The following ZNF248 variants were observed in gnomAD, a reference collection of about 807,000 sequenced individuals.
ZNF248 encodes the protein zinc finger protein 248.
ZNF248 carries 20 observed loss-of-function variants against 44.3 expected under a neutral mutation model. The observed-to-expected ratio is 0.45, with a 90% CI of 0.32 to 0.66. The LOEUF is 0.66. ZNF248 is among the 30% of genes least tolerant of loss of function. The probability of loss-of-function intolerance (pLI) is 0.04; values close to 1 mark genes in which losing one functional copy is unlikely to be tolerated. For missense variants in ZNF248, 654 were observed against 677.0 expected, an observed-to-expected ratio of 0.97 and a Z score of 0.38; for synonymous variants, 224 against 229.0, an observed-to-expected ratio of 0.98 and a Z score of 0.20.
At chr10:37,778,598 T>C (rs920708870) in intron 6 of ZNF248, among the ~76,000 whole-genome samples, 2 of 152,210 alleles carry the variant, frequency 1.3e-5, no homozygotes, top group African/African-American at 4.8e-5. Flanking sequence ...GTCTTAGACA[T>C]GAAGTCATTG....
At position 37,837,653 on chromosome 10, in the gene ZNF248, T is replaced by C. The variant is rs1589730548; in HGVS notation, c.202A>G (p.Ile68Val). The stretch of plus-strand genomic sequence containing the variant: ...TGGCTTGGGAATCCTTTTTCTAATA[T>C]CCAGGGCTCTTCTCCTTGCTCGATC... ...FKIEQGEEPW[I>V]LEKGFPSQCH... The change falls in exon 5 of 6, where the codon ATA (isoleucine) becomes GTA (valine). Residue 68 changes from isoleucine to valine, a missense_variant. Coordinates refer to ENST00000395867, the MANE Select transcript of ZNF248 (RefSeq NM_021045.3). The C allele has an allele frequency of 6.2e-7, 1 of 1,614,100 alleles. No homozygotes were observed. The highest frequency in any genetic ancestry group is 8.5e-7 in the Non-Finnish European group (1 of 1,180,014).
At chr10:37,799,511 A>G (rs1367134686) in intron 6 of ZNF248, among the ~76,000 whole-genome samples, 1 of 152,174 alleles carries the variant, frequency 6.6e-6, no homozygotes, top group Non-Finnish European at 1.5e-5. Context: ...GTGAGCTGAG[A>G]TCGCGCCACT....
At chr10:37,820,154 C>A in intron 6 of ZNF248, 1 of 1,136,470 alleles carries the variant, frequency 8.8e-7, no homozygotes, top group South Asian at 1.2e-5. Flanking sequence ...ATTCTTCCCT[C>A]CTTCTTAAGT....
chr10:37,768,534 C>T, the ZNF248 span, among the ~76,000 whole-genome samples: 2 of 152,046 alleles, frequency 1.3e-5, no homozygotes, highest in Non-Finnish European at 1.5e-5. Context: ...GGGTACATAA[C>T]GAGATGAAGG....
chr10:37,806,715 C>A (rs2050615443), intron 6 of ZNF248, among the ~76,000 whole-genome samples: 1 of 151,814 alleles, frequency 6.6e-6, no homozygotes, highest in African/African-American at 2.4e-5. Flanking sequence ...TTGATAGTGT[C>A]CTTTAAAAAA....
chr10:37,823,290 C>T (rs533360947), intron 6 of ZNF248, among the ~76,000 whole-genome samples: 79 of 127,958 alleles, frequency 6.2e-4, no homozygotes, highest in South Asian at 2.7e-4. Context: ...TCCGAGATTG[C>T]GCCACTGCCC....
intron 5 of ZNF248, 89 bp from the exon 6 acceptor site, chr10:37,833,205 C>A: frequency 6.8e-7 from 1 of 1,464,988 alleles, no homozygotes; most frequent in South Asian, 1.5e-5. Flanking sequence ...ATCATACAGT[C>A]AATTCTTTTG....
intron 6 of ZNF248, among the ~76,000 whole-genome samples, chr10:37,816,866 G>A (rs2052559441): frequency 1.3e-5 from 2 of 152,048 alleles, no homozygotes; most frequent in East Asian, 3.9e-4. Context: ...GGTAGGGAGG[G>A]TAAGAGGGTG....
At chr10:37,819,070 C>T (rs138842996) in intron 6 of ZNF248, 50 of 795,364 alleles carry the variant, frequency 6.3e-5, no homozygotes, top group South Asian at 1.6e-4. Flanking sequence ...CCATGATCTT[C>T]GAAAGACCAA....
At chr10:37,804,444 CTTTA>C (rs1005431925) in intron 6 of ZNF248, among the ~76,000 whole-genome samples, 2 of 150,262 alleles carry the variant, frequency 1.3e-5, no homozygotes, top group East Asian at 2.0e-4. Flanking sequence ...TTATTTATTT[CTTTA>C]TTTGAGACAA....
the ZNF248 span, among the ~76,000 whole-genome samples, chr10:37,770,548 C>T: frequency 6.6e-6 from 1 of 152,102 alleles, no homozygotes; most frequent in Non-Finnish European, 1.5e-5. Context: ...ATAAATGGTG[C>T]TGGGAAAACT....
Position 37,797,406 on chromosome 10 carries a change from T to C in ZNF248, c.331-20831A>G, listed in dbSNP as rs530523725. ...AATTTTAGATTAGGTAGTGGTTTCT[T>C]AGATATGACACCCAAAGCATGAGCT... On this transcript the variant is annotated intron_variant, in intron 6 of 6. Transcript: ENST00000615949. 3.9e-5 allele frequency among the ~76,000 whole-genome samples: 6 copies of C among 152,254 alleles called. No homozygotes were observed. The East Asian group carries it at 1.2e-3, about 29-fold the overall frequency.
At chr10:37,767,813 T>G in the ZNF248 span, among the ~76,000 whole-genome samples, 1 of 152,172 alleles carries the variant, frequency 6.6e-6, no homozygotes, top group Admixed American at 6.6e-5. Flanking sequence ...ATGCTCCAAT[T>G]AAAAGACACA....
intron 6 of ZNF248, among the ~76,000 whole-genome samples, chr10:37,796,595 T>A (rs1000593135): frequency 3.3e-5 from 5 of 152,156 alleles, no homozygotes; most frequent in Non-Finnish European, 4.4e-5. Flanking sequence ...CACAGCTTTT[T>A]ATGAGTGCTG....
At chr10:37,798,411 G>C (rs2049399624) in intron 6 of ZNF248, among the ~76,000 whole-genome samples, 1 of 152,042 alleles carries the variant, frequency 6.6e-6, no homozygotes. Flanking sequence ...AAAACTAGTG[G>C]ATGTTGTGGT....
At chr10:37,808,688 C>A (rs1385502777) in intron 6 of ZNF248, among the ~76,000 whole-genome samples, 4 of 152,130 alleles carry the variant, frequency 2.6e-5, no homozygotes, top group African/African-American at 9.7e-5. Flanking sequence ...GTTTCATTTT[C>A]ATGTAGTATC....
At chr10:37,808,342 ATGTG>A (rs1246043550) in intron 6 of ZNF248, among the ~76,000 whole-genome samples, 2 of 146,746 alleles carry the variant, frequency 1.4e-5, no homozygotes, top group East Asian at 4.0e-4. Flanking sequence ...GAGTGCAGGG[ATGTG>A]ATCTCAGCTC....
In ZNF248 at chr10:37,830,404, T is replaced by C; in HGVS notation, c.*1211A>G. On this transcript the variant is annotated 3_prime_UTR_variant, in exon 6 of 6. Transcript: ENST00000395867. The stretch of plus-strand genomic sequence containing the variant: ...AGTTCTTTGTGAAATAATATTTCAC[T>C]AAAAACATATACTGGCCAACCTACA... 1.0e-6 allele frequency: 1 copy of C among 985,360 alleles called. No homozygotes were observed. The highest frequency in any genetic ancestry group is 1.2e-6 in the Non-Finnish European group (1 of 829,902). 61.0% of individuals were successfully genotyped at this position (985,360 alleles called of 1,614,324 possible). A position where few individuals can be genotyped will look rare whatever the true frequency, so the allele number is the denominator to read the frequency against.
At chr10:37,764,509 T>C in the ZNF248 span, among the ~76,000 whole-genome samples, 5 of 152,306 alleles carry the variant, frequency 3.3e-5, no homozygotes, top group Admixed American at 2.6e-4. Flanking sequence ...CAGACCCTAC[T>C]AGAACACTCC....
Sources: gnomAD v4.1 joint callset for allele counts (sites outside exome capture counted in the v4.1 genomes callset) on GRCh38, gnomAD v4.1.1 for gene constraint, MANE v1.5 for transcripts, NCBI Gene and HGNC (gene_info 2026-07-23, HGNC 2026-07-21) for gene names.